SLC8A1: variants seen among roughly 807,000 people sequenced by gnomAD.
The protein encoded by SLC8A1 is solute carrier family 8 member A1.
A neutral mutation model predicts 68.3 loss-of-function variants in SLC8A1; 18 were observed. The observed-to-expected ratio is 0.26, with a 90% CI of 0.18 to 0.39. SLC8A1 has a LOEUF of 0.39. Among genes scored for constraint, SLC8A1 ranks in the 10% least tolerant of loss-of-function variants. SLC8A1 has a pLI of 1.00. For synonymous variants in SLC8A1, 475 were observed against 415.5 expected (o/e 1.14, Z -1.74); for missense variants, 985 against 1,156.7 (o/e 0.85, Z 2.15).
At chr2:40,453,509 T>C (rs1321295117), upstream of SLC8A1, 1 of 152,250 alleles carries the variant, frequency 6.6e-6, no homozygotes, top group Non-Finnish European at 1.5e-5. Flanking sequence ...AATAGCCTCT[T>C]CTGCCCCTGT....
chr2:40,205,951 G>T (rs1194091419), intron 2 of SLC8A1, among the ~76,000 whole-genome samples: 1 of 151,850 alleles, frequency 6.6e-6, no homozygotes, highest in Non-Finnish European at 1.5e-5. Flanking sequence ...TCTTACAAAG[G>T]AATTATTTGT....
intron 2 of SLC8A1, among the ~76,000 whole-genome samples, chr2:40,236,196 G>C (rs2060344071): frequency 6.6e-6 from 1 of 151,520 alleles, no homozygotes; most frequent in Non-Finnish European, 1.5e-5. Flanking sequence ...TGTTGACAGT[G>C]GGGTGTTAAA....
At chr2:40,302,391 G>A (rs1011966094) in intron 2 of SLC8A1, among the ~76,000 whole-genome samples, 2 of 149,922 alleles carry the variant, frequency 1.3e-5, no homozygotes, top group Non-Finnish European at 3.0e-5. Context: ...CCAGGTTGCT[G>A]CAAATGCCAT....
chr2:40,107,292 A>AAAAG, exon 8 of SLC8A1: 2 of 149,548 alleles, frequency 1.3e-5, no homozygotes, highest in South Asian at 2.1e-4. Flanking sequence ...AAAAAAAAAA[A>AAAAG]AAAAAAAGAA....
rs146690369 is a variant in SLC8A1, at chr2:40,156,759, G to T, written c.2161+4006C>A. On this transcript the variant is annotated intron_variant, in intron 6 of 7. Transcript: ENST00000406785. ...CTATATAATGTGCATGTCTATGTAT[G>T]CATGTTTTGTGTATCTTTGTCTTTG... 1.4e-3 allele frequency among the ~76,000 whole-genome samples: 208 copies of T among 152,208 alleles called. 1 individual carries two copies. Among genetic ancestry groups the T allele is most frequent in the African/African-American group, 4.9e-3 (203 of 41,536 alleles).
chr2:40,463,579 G>A (rs1335495332), intron 1 of SLC8A1, among the ~76,000 whole-genome samples: 1 of 152,036 alleles, frequency 6.6e-6, no homozygotes, highest in African/African-American at 2.4e-5. Context: ...ATTGACAACT[G>A]GAAGATTAAA....
rs192586478 is a variant in SLC8A1 at position 40,193,042 on chromosome 2, G to A, written c.1809-15187C>T. ...CACAGTGCTGGCACATAGTGTTTGC[G>A]TAATAAATGGTTTTGGTTGACTCAC... On this transcript the variant is annotated intron_variant, in intron 2 of 7. Coordinates refer to ENST00000406785, the Ensembl canonical transcript of SLC8A1. Among the ~76,000 whole-genome samples the A allele has an allele frequency of 2.5e-3, 388 of 152,244 alleles. 1 individual carries two copies. The highest frequency in any genetic ancestry group is 8.4e-3 in the African/African-American group (350 of 41,540).
At chr2:40,413,065 C>T (rs1482897552) in intron 2 of SLC8A1, among the ~76,000 whole-genome samples, 1 of 152,110 alleles carries the variant, frequency 6.6e-6, no homozygotes, top group Non-Finnish European at 1.5e-5. Context: ...TCACCTCACA[C>T]CAGTTAGAAT....
At chr2:40,175,522 G>GTA (rs1455465275) in intron 3 of SLC8A1, among the ~76,000 whole-genome samples, 1 of 151,792 alleles carries the variant, frequency 6.6e-6, no homozygotes, top group Non-Finnish European at 1.5e-5. Flanking sequence ...GTGTGTGTGT[G>GTA]TATATGTATT....
At chr2:40,502,883 C>T (rs1445599469) in intron 1 of SLC8A1, among the ~76,000 whole-genome samples, 1 of 152,000 alleles carries the variant, frequency 6.6e-6, no homozygotes, top group Non-Finnish European at 1.5e-5. Context: ...ACAGGATTCT[C>T]ATCATCGCCT....
intron 6 of SLC8A1, among the ~76,000 whole-genome samples, chr2:40,148,577 C>G (rs2042885826): frequency 6.6e-6 from 1 of 152,076 alleles, no homozygotes; most frequent in African/African-American, 2.4e-5. Context: ...TTCCTCTTTC[C>G]TTCTTTCTGT....
At chr2:40,123,880 G>C (rs1558440907) in intron 7 of SLC8A1, among the ~76,000 whole-genome samples, 1 of 152,164 alleles carries the variant, frequency 6.6e-6, no homozygotes, top group Non-Finnish European at 1.5e-5. Context: ...CTAACTTCCT[G>C]CTTAAACACA....
chr2:40,317,861 G>A (rs1484496846), intron 2 of SLC8A1, among the ~76,000 whole-genome samples: 2 of 152,008 alleles, frequency 1.3e-5, no homozygotes, highest in African/African-American at 2.4e-5. Context: ...TCATCATACT[G>A]AAAACCTGAT....
At chr2:40,220,735 G>T (rs939718338) in intron 2 of SLC8A1, among the ~76,000 whole-genome samples, 1 of 152,050 alleles carries the variant, frequency 6.6e-6, no homozygotes, top group Non-Finnish European at 1.5e-5. Flanking sequence ...GCTCTTTCTA[G>T]TTCTTTTTTG....
At chr2:40,334,999 G>C (rs373877768) in intron 2 of SLC8A1, among the ~76,000 whole-genome samples, 3 of 152,072 alleles carry the variant, frequency 2.0e-5, no homozygotes, top group African/African-American at 7.2e-5. Context: ...TAGCCAAAAA[G>C]CCAAAAACTC....
intron 2 of SLC8A1, among the ~76,000 whole-genome samples, chr2:40,400,363 A>C (rs759893213): frequency 2.0e-5 from 3 of 152,178 alleles, no homozygotes; most frequent in Non-Finnish European, 4.4e-5. Flanking sequence ...AATTGAAGGG[A>C]AGACTCACCC....
In SLC8A1 at chr2:40,487,083, C is replaced by G. The variant is rs74690136; in HGVS notation, c.-25+25266G>C. 7.3e-3 allele frequency among the ~76,000 whole-genome samples: 1,112 copies of G among 151,946 alleles called. 17 individuals carry two copies. The highest frequency in any genetic ancestry group is 0.026 in the African/African-American group (1,063 of 41,422). ...GCCTTTAATAAAGTTGCATCGAATC[C>G]CTTTTGAGCAGAAGTTGGTATTGTT... is the stretch of plus-strand genomic sequence containing the variant. On this transcript the variant is annotated intron_variant, in intron 1 of 7. Coordinates refer to the SLC8A1 transcript ENST00000402441.
intron 1 of SLC8A1, among the ~76,000 whole-genome samples, chr2:40,500,481 T>C (rs912877406): frequency 3.9e-5 from 6 of 152,112 alleles, no homozygotes; most frequent in Non-Finnish European, 8.8e-5. Context: ...GTTTAACCCG[T>C]AGTTGCTAGT....
At chr2:40,125,237 C>T (rs534145412) in intron 7 of SLC8A1, among the ~76,000 whole-genome samples, 1 of 152,230 alleles carries the variant, frequency 6.6e-6, no homozygotes, top group South Asian at 2.1e-4. Flanking sequence ...GGATGAAAAG[C>T]ATCCTATATA....
Sources: gnomAD v4.1 joint callset for allele counts (sites outside exome capture counted in the v4.1 genomes callset) on GRCh38, gnomAD v4.1.1 for gene constraint, MANE v1.5 for transcripts, NCBI Gene and HGNC (gene_info 2026-07-23, HGNC 2026-07-21) for gene names.